Variants in LRTM1 observed in about 807,000 individuals in gnomAD.
The protein encoded by LRTM1 is leucine-rich repeat and transmembrane domain-containing protein 1.
LRTM1 carries 38 observed loss-of-function variants against 32.4 expected under a neutral mutation model. That is an observed-to-expected ratio of 1.17 (90% CI 0.91 to 1.54). The LOEUF is 1.54. Among genes scored for constraint, LRTM1 ranks in the 40% most tolerant of loss-of-function variants. LRTM1 has a pLI of 0.00. For missense variants in LRTM1, 466 were observed against 415.4 expected, an observed-to-expected ratio of 1.12 and a Z score of -1.06; for synonymous variants, 186 against 169.9, an observed-to-expected ratio of 1.09 and a Z score of -0.74.
chr3:54,957,059 C>A (rs1053147835), intron 1 of LRTM1, among the ~76,000 whole-genome samples: 1 of 152,148 alleles, frequency 6.6e-6, no homozygotes, highest in African/African-American at 2.4e-5. Flanking sequence ...CTAGCAGACA[C>A]CTGGCACATA....
chr3:54,937,167 T>A (rs2106972302), intron 1 of LRTM1, among the ~76,000 whole-genome samples: 1 of 152,330 alleles, frequency 6.6e-6, no homozygotes, highest in East Asian at 1.9e-4. Context: ...GGACTCTCAT[T>A]CTGGACCCCT....
At chr3:54,957,720 C>T (rs570956703) in intron 1 of LRTM1, among the ~76,000 whole-genome samples, 3 of 152,138 alleles carry the variant, frequency 2.0e-5, no homozygotes, top group African/African-American at 4.8e-5. Context: ...GAAACAAGAT[C>T]ACACCTCTCC....
intron 1 of LRTM1, among the ~76,000 whole-genome samples, chr3:54,962,586 G>A (rs1559646641): frequency 6.6e-6 from 1 of 152,192 alleles, no homozygotes; most frequent in Admixed American, 6.5e-5. Flanking sequence ...GCCAGAGCCG[G>A]TGCAACTCTA....
rs146513869 is a variant in LRTM1, at chr3:54,956,439, C to T, written c.-222+10489G>A. Among the ~76,000 whole-genome samples, 214 of 152,312 alleles carry T rather than the reference C, an allele frequency of 1.4e-3. 1 individual carries two copies. The highest frequency in any genetic ancestry group is 3.4e-3 in the Middle Eastern group (1 of 294). Reference sequence around the variant, plus strand: ...CCAGTTTTTGTTTTAACCTTCCTGTCTTTGTCTTTTAAAGGCCAGGAAATG... The same window carrying T: ...CCAGTTTTTGTTTTAACCTTCCTGTTTTTGTCTTTTAAAGGCCAGGAAATG... On this transcript the variant is annotated intron_variant, in intron 1 of 2. Coordinates refer to the LRTM1 transcript ENST00000493075.
rs1313211097 is a variant in LRTM1 at position 54,918,564 on chromosome 3, GCA to G, written c.931_932del (p.Cys311HisfsTer19). 1.9e-6 allele frequency: 3 copies of G among 1,614,058 alleles called. No homozygotes were observed. In the African/African-American group the frequency reaches 4.0e-5, roughly 22 times the overall value. ...LMMLAAAIYG[C>X]TYAAITAQYH... ...ACTGGGCTGTGATTGCCGCATAGGT[GCA>G]GCCATAGATGGCAGCTGCCAACATC... On this transcript the variant is annotated frameshift_variant, in exon 3 of 3. Transcript: ENST00000273286. LOFTEE classifies it high-confidence loss of function.
At chr3:54,931,335 G>T (rs548012433), upstream of LRTM1, among the ~76,000 whole-genome samples, 18 of 152,282 alleles carry the variant, frequency 1.2e-4, no homozygotes, top group African/African-American at 4.3e-4. Flanking sequence ...ACATGGCCTG[G>T]ACTGCCCGCC....
At chr3:54,924,009 G>A (rs1700936942) in intron 2 of LRTM1, among the ~76,000 whole-genome samples, 1 of 152,216 alleles carries the variant, frequency 6.6e-6, no homozygotes, top group Non-Finnish European at 1.5e-5. Context: ...TGGGGCTGTA[G>A]TTTGCTAACC....
At chr3:54,932,999 T>A (rs1442666159), upstream of LRTM1, among the ~76,000 whole-genome samples, 1 of 152,160 alleles carries the variant, frequency 6.6e-6, no homozygotes, top group Non-Finnish European at 1.5e-5. Context: ...GGTACACAGT[T>A]TATACAGAGC....
intron 1 of LRTM1, among the ~76,000 whole-genome samples, chr3:54,957,868 C>T (rs888964357): frequency 6.6e-5 from 10 of 152,306 alleles, no homozygotes; most frequent in Admixed American, 3.9e-4. Flanking sequence ...TTCCAAAGCA[C>T]AAATCTATTT....
chr3:54,949,879 A>G (rs1474180718), intron 1 of LRTM1, among the ~76,000 whole-genome samples: 5 of 152,206 alleles, frequency 3.3e-5, no homozygotes, highest in Non-Finnish European at 5.9e-5. Flanking sequence ...GGTAGAAGTA[A>G]TTATTTTTAT....
chr3:54,961,375 A>G (rs909549993), intron 1 of LRTM1, among the ~76,000 whole-genome samples: 1 of 152,054 alleles, frequency 6.6e-6, no homozygotes, highest in Non-Finnish European at 1.5e-5. Context: ...AAGTCACTCT[A>G]CTCCTAAGAG....
In LRTM1 at chr3:54,960,621, A is replaced by G. The variant is rs529096920; in HGVS notation, c.-222+6307T>C. 2.6e-5 allele frequency among the ~76,000 whole-genome samples: 4 copies of G among 152,318 alleles called. No individual in the cohort carries two copies. The South Asian group carries it at 6.2e-4, about 24-fold the overall frequency. On this transcript the variant is annotated intron_variant, in intron 1 of 2. Transcript: ENST00000493075. ...TGTTGCTGATCATTCTCCCTTGCCT[A>G]TAATCTTCTAAGAAAGCTTTTGAAT...
intron 1 of LRTM1, among the ~76,000 whole-genome samples, chr3:54,937,550 G>C (rs540057267): frequency 3.3e-5 from 5 of 152,152 alleles, no homozygotes; most frequent in African/African-American, 1.2e-4. Flanking sequence ...TGTTGTGCAA[G>C]GGTCAACTGT....
At chr3:54,954,928 A>G (rs565239260) in intron 1 of LRTM1, among the ~76,000 whole-genome samples, 3 of 152,264 alleles carry the variant, frequency 2.0e-5, no homozygotes, top group South Asian at 2.1e-4. Context: ...ACCACAGTGC[A>G]TTTGCTCATT....
intron 1 of LRTM1, among the ~76,000 whole-genome samples, chr3:54,961,917 G>T (rs1702037434): frequency 6.6e-6 from 1 of 152,064 alleles, no homozygotes; most frequent in African/African-American, 2.4e-5. Flanking sequence ...GGCCCCATGT[G>T]GTGAGGGACT....
At chr3:54,921,624 T>A (rs2106931767) in intron 2 of LRTM1, among the ~76,000 whole-genome samples, 1 of 152,264 alleles carries the variant, frequency 6.6e-6, no homozygotes, top group South Asian at 2.1e-4. Flanking sequence ...TTAATTGAAT[T>A]AATTAATGCC....
Position 54,963,321 on chromosome 3 carries a change from A to C in LRTM1, c.-222+3607T>G, listed in dbSNP as rs116204254. Among the ~76,000 whole-genome samples, 699 of 152,136 alleles carry C rather than the reference A, an allele frequency of 4.6e-3. 5 individuals carry two copies. The highest frequency in any genetic ancestry group is 0.016 in the African/African-American group (644 of 41,520). ...TGGAGAATTGTACCTTCCATCCTTA[A>C]GGAGTGCTAGGGTCCATTTCTTTTC... On this transcript the variant is annotated intron_variant, in intron 1 of 2. Transcript: ENST00000493075.
chr3:54,944,710 C>T (rs143744041), intron 1 of LRTM1, among the ~76,000 whole-genome samples: 2,262 of 151,886 alleles, frequency 0.015, 55 homozygotes, highest in African/African-American at 0.051. Flanking sequence ...CGTGAGCCAC[C>T]GCGCCCAGCC....
intron 1 of LRTM1, among the ~76,000 whole-genome samples, chr3:54,949,602 C>T (rs1701704325): frequency 6.6e-6 from 1 of 152,162 alleles, no homozygotes; most frequent in Admixed American, 6.5e-5. Context: ...GGAATCAGGG[C>T]ACATTATCAA....
Sources: allele counts gnomAD v4.1 joint callset (sites outside exome capture counted in the v4.1 genomes callset), GRCh38; gene constraint gnomAD v4.1.1; transcripts MANE v1.5; gene names NCBI Gene and HGNC (gene_info 2026-07-23, HGNC 2026-07-21).